The following PIEZO1 variants were observed in gnomAD, a reference collection of about 807,000 sequenced individuals.
The protein encoded by PIEZO1 is piezo type mechanosensitive ion channel component 1 (Er blood group).
PIEZO1 carries 296 observed loss-of-function variants against 297.2 expected under a neutral mutation model. The observed-to-expected ratio is 1.00, with a 90% CI of 0.91 to 1.10. The LOEUF is 1.10. Ranked by LOEUF, PIEZO1 falls within the 50% of genes least tolerant of loss-of-function variation. The pLI is 0.00. For missense variants in PIEZO1, 5,018 were observed against 3,455.5 expected, an observed-to-expected ratio of 1.45 and a Z score of -11.34; for synonymous variants, 2,427 against 1,507.5, an observed-to-expected ratio of 1.61 and a Z score of -14.13.
At chr16:88,749,048 T>C (rs142517999) in intron 2 of PIEZO1, among the ~76,000 whole-genome samples, 5,052 of 149,624 alleles carry the variant, frequency 0.034, 236 homozygotes, top group African/African-American at 0.1. Flanking sequence ...CCATCCTGGC[T>C]ATCACGGTGA....
chr16:88,736,752 A>G lies in PIEZO1; in HGVS notation c.1196-13T>C. On this transcript the variant is annotated splice_polypyrimidine_tract_variant and intron_variant, in intron 10 of 50. Coordinates refer to ENST00000301015, the MANE Select transcript of PIEZO1 (RefSeq NM_001142864.4). ...CGCTTGGGCCGCACTGCAGGTGGGGACAGCGGTCAGCTTCGGCAGGTTGAT... is the reference window on the plus strand; with the variant it reads ...CGCTTGGGCCGCACTGCAGGTGGGGGCAGCGGTCAGCTTCGGCAGGTTGAT... 1.3e-6 allele frequency: 2 copies of G among 1,495,996 alleles called. No homozygotes were observed. Among genetic ancestry groups the G allele is most frequent in the African/African-American group, 2.8e-5 (2 of 71,900 alleles). 92.7% of individuals were successfully genotyped at this position (1,495,996 alleles called of 1,614,324 possible).
intron 1 of PIEZO1, among the ~76,000 whole-genome samples, chr16:88,776,761 G>A (rs574834061): frequency 6.6e-6 from 1 of 152,218 alleles, no homozygotes; most frequent in Non-Finnish European, 1.5e-5. Context: ...CTGGCTCGGG[G>A]CGGGCCAGTC....
At chr16:88,755,906 G>T (rs143787967) in intron 1 of PIEZO1, among the ~76,000 whole-genome samples, 1 of 152,174 alleles carries the variant, frequency 6.6e-6, no homozygotes, top group Non-Finnish European at 1.5e-5. Flanking sequence ...AGAAACCGGG[G>T]CCAGGGGGTG....
intron 2 of PIEZO1, chr16:88,745,072 T>TCA (rs1264081313): frequency 2.9e-5 from 1 of 35,042 alleles, no homozygotes; most frequent in Non-Finnish European, 6.5e-5. Flanking sequence ...GCCCACCCCG[T>TCA]CACTCTCCCC....
intron 1 of PIEZO1, among the ~76,000 whole-genome samples, chr16:88,771,507 C>T (rs922897782): frequency 1.8e-4 from 27 of 152,352 alleles, no homozygotes; most frequent in African/African-American, 5.5e-4. Context: ...CGGCTCCCCA[C>T]GGCTCACGCA....
At position 88,719,786 on chromosome 16, in the gene PIEZO1, G is replaced by A. The variant is rs540000404; in HGVS notation, c.6323+16C>T. ...TGCCCGGGCCGTGACCCCCACCCCG[G>A]CGGACCTGCACTCACCCCTGGAAGA... is the stretch of plus-strand genomic sequence containing the variant. On this transcript the variant is annotated intron_variant, in intron 43 of 50. Coordinates refer to ENST00000301015, the MANE Select transcript of PIEZO1 (RefSeq NM_001142864.4). The A allele has an allele frequency of 2.1e-5, 32 of 1,550,388 alleles. No homozygotes were observed. In the African/African-American group the frequency reaches 2.5e-4, roughly 12 times the overall value.
intron 1 of PIEZO1, among the ~76,000 whole-genome samples, chr16:88,758,560 C>T (rs1394345734): frequency 6.6e-6 from 1 of 152,240 alleles, no homozygotes; most frequent in South Asian, 2.1e-4. Context: ...CCCCACTCCA[C>T]AGGCACCCAC....
rs914273271 is a variant in PIEZO1 at position 88,725,450 on chromosome 16, G to A, written c.4128C>T (p.Asp1376=). 1 of 1,494,980 alleles carries A rather than the reference G, an allele frequency of 6.7e-7. No homozygotes were observed. Among genetic ancestry groups the A allele is most frequent in the South Asian group, 1.3e-5 (1 of 75,680 alleles). 92.6% of individuals were successfully genotyped at this position (1,494,980 alleles called of 1,614,324 possible). Residue 1376 remains aspartate (D), a synonymous_variant, in exon 29 of 51, where the codon GAC becomes GAT. Transcript: ENST00000301015. The part of the protein sequence containing the change: ...QGRVDRSRPQ[D]TLGPKDPGLE... ...GGCCGGGGTCCTTGGGGCCCAGGGT[G>A]TCCTGGGGGCGACTGCGGTCCACCC...
rs369750188 is a variant in PIEZO1, at chr16:88,730,218, T to C, written c.3196+1488A>G. Reference sequence around the variant, plus strand: ...TAAACCTCACGCTCCTAGAACTCGATTGGGCTCCCTGGAGCAATGGCTGTG... The same window carrying C: ...TAAACCTCACGCTCCTAGAACTCGACTGGGCTCCCTGGAGCAATGGCTGTG... On this transcript the variant is annotated intron_variant, in intron 22 of 50. Transcript: ENST00000301015. Among the ~76,000 whole-genome samples the C allele has an allele frequency of 6.6e-4, 101 of 152,336 alleles. 1 individual carries two copies. The highest frequency in any genetic ancestry group is 2.3e-3 in the African/African-American group (94 of 41,582).
intron 17 of PIEZO1, 61 bp downstream of exon 17, chr16:88,733,845 C>T: frequency 4.1e-6 from 6 of 1,461,550 alleles, no homozygotes; most frequent in Non-Finnish European, 5.4e-6. Flanking sequence ...GCCAACGCCC[C>T]CCGAGCTGGG....
chr16:88,734,730 C>G lies in PIEZO1; in HGVS notation c.1917G>C (p.Leu639=), dbSNP rs905035716. ...GGAAGGTGTAGACGGCGATGAGGAC[C>G]AGCATGGTGTAGGCCACCACGAGCC... is the stretch of plus-strand genomic sequence containing the variant. ...FWWLVVAYTM[L]VLIAVYTFQF... is the part of the protein sequence containing the mutation. Residue 639 remains leucine (L), a synonymous_variant, in exon 15 of 51, where the codon CTG becomes CTC. Coordinates refer to ENST00000301015, the MANE Select transcript of PIEZO1 (RefSeq NM_001142864.4). 9 of 1,550,330 alleles carry G rather than the reference C, an allele frequency of 5.8e-6. No homozygotes were observed. In the Admixed American group the frequency reaches 1.8e-4, roughly 30 times the overall value.
chr16:88,777,073 A>T (rs1305189194), intron 1 of PIEZO1, among the ~76,000 whole-genome samples: 2 of 152,158 alleles, frequency 1.3e-5, no homozygotes, highest in Non-Finnish European at 2.9e-5. Flanking sequence ...CCCGGATTCA[A>T]GTGATTCTCC....
chr16:88,750,138 C>T (rs1211832811), intron 1 of PIEZO1, among the ~76,000 whole-genome samples: 2 of 151,926 alleles, frequency 1.3e-5, no homozygotes, highest in African/African-American at 4.8e-5. Context: ...AGTTCAAGAC[C>T]AGCCTGGCCA....
Position 88,719,734 on chromosome 16 carries a change from A to G in PIEZO1, c.6324-13T>C. 1 of 1,550,456 alleles carries G rather than the reference A, an allele frequency of 6.4e-7. No individual in the cohort carries two copies. On this transcript the variant is annotated splice_polypyrimidine_tract_variant and intron_variant, in intron 43 of 50. Transcript: ENST00000301015. ...CACCAGCCGGAACCTGCCCACAGCC[A>G]GGGTTCCCGTCAGGTGGGCTCCCTC...
rs764374591 is a variant in PIEZO1 at position 88,721,548 on chromosome 16, G to T, written c.5393C>A (p.Ser1798Tyr). 2 of 1,549,250 alleles carry T rather than the reference G, an allele frequency of 1.3e-6. No individual in the cohort carries two copies. The highest frequency in any genetic ancestry group is 1.4e-5 in the African/African-American group (1 of 73,026). Residue 1798 changes from serine (S) to tyrosine (Y), a missense_variant, in exon 38 of 51, where the codon TCC becomes TAC. By Grantham distance (144) the Ser-to-Tyr change is moderately radical. Coordinates refer to ENST00000301015, the MANE Select transcript of PIEZO1 (RefSeq NM_001142864.4). ...VQLMALFFHRSQLLCYGLWDH... is the reference protein window; with the variant it reads ...VQLMALFFHRYQLLCYGLWDH... ...AAGGCTCACACTCACCAGCAGCTGG[G>T]AGCGGTGGAAGAAAAGGGCCATGAG...
At chr16:88,738,782 C>T (rs749995122) in intron 5 of PIEZO1, 46 bp from the exon 6 acceptor site, 20 of 1,478,750 alleles carry the variant, frequency 1.4e-5, no homozygotes, top group East Asian at 2.5e-5. Context: ...ATCGCACTGA[C>T]GCCACCTCTC....
chr16:88,782,840 G>A (rs563752971), intron 1 of PIEZO1, among the ~76,000 whole-genome samples: 18 of 93,788 alleles, frequency 1.9e-4, no homozygotes, highest in East Asian at 9.5e-4. Context: ...CAGGAGTCCC[G>A]GCCAGCAGGC....
chr16:88,734,241 G>A (rs562602434), intron 16 of PIEZO1, 115 bp downstream of exon 16: 10 of 1,213,522 alleles, frequency 8.2e-6, no homozygotes, highest in Non-Finnish European at 1.1e-5. Flanking sequence ...ATGAGCAAAT[G>A]CCCCTTGGGA....
chr16:88,736,756 C>T lies in PIEZO1; in HGVS notation c.1196-17G>A, dbSNP rs79917859. 0.013 allele frequency: 18,885 copies of T among 1,469,888 alleles called. 869 individuals carry two copies. In the African/African-American group the frequency reaches 0.13, roughly 10 times the overall value. 91.1% of individuals were successfully genotyped at this position (1,469,888 alleles called of 1,614,324 possible). A position where few individuals can be genotyped will look rare whatever the true frequency, so the allele number is the denominator to read the frequency against. Reference sequence around the variant, plus strand: ...TGGGCCGCACTGCAGGTGGGGACAGCGGTCAGCTTCGGCAGGTTGATCTGC... The same window carrying T: ...TGGGCCGCACTGCAGGTGGGGACAGTGGTCAGCTTCGGCAGGTTGATCTGC... On this transcript the variant is annotated splice_polypyrimidine_tract_variant and intron_variant, in intron 10 of 50. Coordinates refer to ENST00000301015, the MANE Select transcript of PIEZO1 (RefSeq NM_001142864.4).
Sources: allele counts gnomAD v4.1 joint callset (sites outside exome capture counted in the v4.1 genomes callset), GRCh38; gene constraint gnomAD v4.1.1; transcripts MANE v1.5; gene names NCBI Gene and HGNC (gene_info 2026-07-23, HGNC 2026-07-21).